The following USH1C variants were observed in gnomAD, a reference collection of about 807,000 sequenced individuals.
USH1C encodes the protein USH1 protein network component harmonin.
Under a neutral mutation model 119.3 loss-of-function variants are expected in USH1C, and 90 were observed. The observed-to-expected ratio is 0.75, with a 90% confidence interval of 0.64 to 0.90. The LOEUF is 0.90. USH1C is among the 40% of genes least tolerant of loss of function. The pLI, the probability that USH1C is intolerant of heterozygous loss-of-function variation, is 0.00. For missense variants in USH1C, 1,165 were observed against 1,167.7 expected (o/e 1.00, Z 0.03); for synonymous variants, 465 against 443.3 (o/e 1.05, Z -0.62).
intron 16 of USH1C, 140 bp downstream of exon 16, chr11:17,511,762 G>T (rs902308920): frequency 5.1e-6 from 5 of 988,920 alleles, no homozygotes; most frequent in Non-Finnish European, 7.4e-6. Context: ...CTCTCTCCAG[G>T]CTGGGGAGCA....
intron 1 of USH1C, among the ~76,000 whole-genome samples, chr11:17,537,622 G>A (rs1039041957): frequency 1.3e-5 from 2 of 152,074 alleles, no homozygotes; most frequent in African/African-American, 4.8e-5. Flanking sequence ...AGGTCCCAGC[G>A]ACTCCATCTA....
rs764247168 is a variant in USH1C, at chr11:17,526,358, G to A, written c.663C>T (p.Gly221=). The change falls in exon 8 of 27, where the codon GGC becomes GGT. Residue 221 remains glycine, a synonymous_variant. Transcript: ENST00000005226. ...TGCCTGCCACCCACCTGCAGCCAAG[G>A]CCTCGGGAGCCTACCAGGCTGATGA... ...KVFISLVGSR[G]LGCSISSGPI... 6.2e-7 allele frequency: 1 copy of A among 1,613,804 alleles called. No homozygotes were observed. The highest frequency in any genetic ancestry group is 1.1e-5 in the South Asian group (1 of 91,078).
intron 24 of USH1C, among the ~76,000 whole-genome samples, chr11:17,497,335 T>C (rs1186839039): frequency 5.9e-5 from 9 of 152,252 alleles, no homozygotes; most frequent in East Asian, 5.8e-4. Context: ...CTGAAAAGTA[T>C]TGGAAATATC....
Position 17,531,153 on chromosome 11 carries a change from C to T in USH1C, c.387+1G>A. 3.1e-6 allele frequency: 5 copies of T among 1,614,086 alleles called. No individual in the cohort carries two copies. Among genetic ancestry groups the T allele is most frequent in the Non-Finnish European group, 4.2e-6 (5 of 1,180,026 alleles). On this transcript the variant is annotated splice_donor_variant, in intron 4 of 26. Coordinates refer to ENST00000005226, the MANE Select transcript of USH1C (RefSeq NM_153676.4). LOFTEE classifies it high-confidence loss of function. The surrounding 1 kb of genome is among the most constrained non-coding windows in gnomAD (Gnocchi z 4.2). Reference sequence around the variant, plus strand: ...CCCTCCCCCGGACTCTGTTTGCTCACCTGGAGCCCGACGCTGTCTGCCTGA... The same window carrying T: ...CCCTCCCCCGGACTCTGTTTGCTCATCTGGAGCCCGACGCTGTCTGCCTGA...
At chr11:17,528,156 G>C (rs1318193904) in intron 4 of USH1C, among the ~76,000 whole-genome samples, 1 of 152,236 alleles carries the variant, frequency 6.6e-6, no homozygotes, top group Non-Finnish European at 1.5e-5. Context: ...CTGCCACACA[G>C]TAAGCACTCA....
At chr11:17,506,805 CG>C (rs1849667158) in intron 18 of USH1C, among the ~76,000 whole-genome samples, 1 of 152,212 alleles carries the variant, frequency 6.6e-6, no homozygotes, top group African/African-American at 2.4e-5. Context: ...GTGCTTCCTC[CG>C]TCTCCACGCT....
At chr11:17,521,203 C>G in intron 13 of USH1C, 143 bp downstream of exon 13, 2 of 1,062,920 alleles carry the variant, frequency 1.9e-6, no homozygotes, top group Non-Finnish European at 2.9e-6. Context: ...TATAATATGA[C>G]AGGCTTTACT....
At position 17,531,251 on chromosome 11, in the gene USH1C, C is replaced by T. The variant is rs1850958048; in HGVS notation, c.290G>A (p.Gly97Asp). The change falls in exon 4 of 27, where the codon GGC becomes GAC. Residue 97 changes from glycine to aspartate, a missense_variant. Gly to Asp is a moderately conservative substitution (Grantham distance 94). Coordinates refer to ENST00000005226, the MANE Select transcript of USH1C (RefSeq NM_153676.4). The surrounding 1 kb of genome is among the most constrained non-coding windows in gnomAD (Gnocchi z 4.2). ...GCCACCACGCACACTCAGGCCGAGGCCTTCGGGGTGCAGACGGTCCAGACG... is the reference window on the plus strand; with the variant it reads ...GCCACCACGCACACTCAGGCCGAGGTCTTCGGGGTGCAGACGGTCCAGACG... ...EVRLDRLHPEGLGLSVRGGLE... is the reference protein window; with the variant it reads ...EVRLDRLHPEDLGLSVRGGLE... The T allele has an allele frequency of 1.2e-6, 2 of 1,614,164 alleles. No individual in the cohort carries two copies. Among genetic ancestry groups the T allele is most frequent in the Non-Finnish European group, 1.7e-6 (2 of 1,180,048 alleles).
chr11:17,499,394 C>T (rs1314561548), intron 23 of USH1C, among the ~76,000 whole-genome samples: 1 of 152,202 alleles, frequency 6.6e-6, no homozygotes, highest in Non-Finnish European at 1.5e-5. Context: ...AAGCAGTTGC[C>T]TCTGTGCAGT....
intron 14 of USH1C, among the ~76,000 whole-genome samples, chr11:17,519,119 G>A (rs1011250995): frequency 3.9e-5 from 6 of 152,216 alleles, no homozygotes; most frequent in African/African-American, 1.4e-4. Context: ...AGGGTGGTTG[G>A]ATAGGAGCTG....
intron 1 of USH1C, among the ~76,000 whole-genome samples, chr11:17,539,654 T>C (rs1025530167): frequency 3.3e-5 from 5 of 152,118 alleles, no homozygotes; most frequent in Non-Finnish European, 7.4e-5. Flanking sequence ...CCAGCCACAC[T>C]TCTTCCCAGG....
At chr11:17,526,161 A>T (rs1850659864) in intron 8 of USH1C, among the ~76,000 whole-genome samples, 186 bp downstream of exon 8, 1 of 152,180 alleles carries the variant, frequency 6.6e-6, no homozygotes, top group African/African-American at 2.4e-5. Context: ...TGATCATGCC[A>T]CTGCACTCCA....
chr11:17,495,317 C>T (rs1402462011), intron 26 of USH1C, among the ~76,000 whole-genome samples: 3 of 152,140 alleles, frequency 2.0e-5, no homozygotes, highest in African/African-American at 4.8e-5. Context: ...GTCCCAGGGC[C>T]GTGATGAGTC....
Position 17,531,503 on chromosome 11 carries a change from C to T in USH1C, c.144G>A (p.Leu48=). Residue 48 remains leucine (L), a synonymous_variant, in exon 3 of 27, where the codon CTG becomes CTA. Coordinates refer to ENST00000005226, the MANE Select transcript of USH1C (RefSeq NM_153676.4). The surrounding 1 kb of genome is among the most constrained non-coding windows in gnomAD (Gnocchi z 4.2). ...DVAVLVGDLK[L]VINEPSRLPL... is the part of the protein sequence containing the mutation. ...GCAGACGGCTGGGTTCATTGATGAC[C>T]AGCTTCAGGTCTCCCACGAGCACGG... 2 of 1,613,880 alleles carry T rather than the reference C, an allele frequency of 1.2e-6. No individual in the cohort carries two copies. The highest frequency in any genetic ancestry group is 2.2e-5 in the South Asian group (2 of 91,060).
At chr11:17,524,388 C>G (rs991678423) in intron 9 of USH1C, 63 bp downstream of exon 9, 2 of 1,521,446 alleles carry the variant, frequency 1.3e-6, no homozygotes, top group Admixed American at 2.0e-5. Context: ...CCTGTCACCG[C>G]GGGATCACAG....
At chr11:17,526,610 C>T (rs895253666) in intron 7 of USH1C, 143 bp downstream of exon 7, 1 of 1,143,804 alleles carries the variant, frequency 8.7e-7, no homozygotes. Context: ...GGCTGCTGCC[C>T]CACAGCGGTG....
In USH1C at chr11:17,544,399, C is replaced by T. The variant is rs1267631833; in HGVS notation, c.-92G>A. 3 of 1,584,236 alleles carry T rather than the reference C, an allele frequency of 1.9e-6. No individual in the cohort carries two copies. Among genetic ancestry groups the T allele is most frequent in the African/African-American group, 2.7e-5 (2 of 74,176 alleles). ...GGAAAGAGCCGCGACCGCGACCGGG[C>T]CAGCCGCCCTCGGAGCTGGGGGCGG... is the stretch of plus-strand genomic sequence containing the variant. On this transcript the variant is annotated 5_prime_UTR_variant, in exon 1 of 27. Transcript: ENST00000005226.
In USH1C at chr11:17,509,358, T is replaced by C; in HGVS notation, c.2011A>G (p.Lys671Glu). The change falls in exon 18 of 27, where the codon AAG becomes GAG. Residue 671 changes from lysine to glutamate, a missense_variant and splice_region_variant. By Grantham distance (56) the Lys-to-Glu change is moderately conservative. Transcript: ENST00000005226. ...VPEQSFPPTP[K>E]TFCPSPQPPR... ...AGCATGCAGAACAGGGACATTACCT[T>C]TGGGGTGGGTGGGAAGCTCTGTTCA... The C allele has an allele frequency of 6.3e-7, 1 of 1,575,238 alleles. No homozygotes were observed. The highest frequency in any genetic ancestry group is 8.7e-7 in the Non-Finnish European group (1 of 1,156,042).
chr11:17,509,942 G>A (rs1196257644), intron 17 of USH1C, 104 bp from the exon 18 acceptor site: 2 of 1,363,628 alleles, frequency 1.5e-6, no homozygotes, highest in African/African-American at 1.4e-5. Context: ...CTTGCTACTG[G>A]AGACCCACCA....
Sources: allele counts gnomAD v4.1 joint callset (sites outside exome capture counted in the v4.1 genomes callset), GRCh38; gene constraint gnomAD v4.1.1; non-coding constraint Gnocchi (gnomAD v3.1); transcripts MANE v1.5; gene names NCBI Gene and HGNC (gene_info 2026-07-23, HGNC 2026-07-21).